Variants in NYAP2 observed in about 807,000 individuals in gnomAD.
NYAP2 encodes the protein neuronal tyrosine-phosphorylated phosphoinositide-3-kinase adapter 2.
Under a neutral mutation model 50.4 loss-of-function variants are expected in NYAP2, and 23 were observed. The observed-to-expected ratio is 0.46, with a 90% CI of 0.33 to 0.65. NYAP2 has a LOEUF of 0.65. NYAP2 is among the 30% of genes least tolerant of loss of function. The pLI is 0.02. For missense variants in NYAP2, 885 were observed against 861.0 expected (o/e 1.03, Z -0.35); for synonymous variants, 394 against 365.2 (o/e 1.08, Z -0.90).
chr2:225,455,489 C>T (rs1246884580), intron 3 of NYAP2, among the ~76,000 whole-genome samples: 2 of 152,126 alleles, frequency 1.3e-5, no homozygotes, highest in African/African-American at 4.8e-5. Flanking sequence ...TGAAGTTTTC[C>T]TCATAATTAA....
At chr2:225,491,014 T>C (rs564605492) in intron 3 of NYAP2, among the ~76,000 whole-genome samples, 2 of 152,326 alleles carry the variant, frequency 1.3e-5, no homozygotes, top group South Asian at 4.1e-4. Context: ...CTGCCCTAGA[T>C]GATGGAGACA....
chr2:225,493,602 G>C (rs1244201919), intron 3 of NYAP2, among the ~76,000 whole-genome samples: 1 of 152,120 alleles, frequency 6.6e-6, no homozygotes, highest in African/African-American at 2.4e-5. Context: ...GTCACCGGTG[G>C]CTCTCACCTG....
At chr2:225,416,672 T>G (rs1440356968) in intron 3 of NYAP2, among the ~76,000 whole-genome samples, 2 of 152,204 alleles carry the variant, frequency 1.3e-5, no homozygotes, top group Non-Finnish European at 2.9e-5. Flanking sequence ...CCTCCTTCAG[T>G]CTTCTCACGT....
chr2:225,695,581 A>T, the NYAP2 span, among the ~76,000 whole-genome samples: 1 of 151,792 alleles, frequency 6.6e-6, no homozygotes, highest in Non-Finnish European at 1.5e-5. Context: ...GACCACCAAG[A>T]TGAGTGAGAT....
chr2:225,649,838 A>T (rs1693699306), intron 6 of NYAP2, among the ~76,000 whole-genome samples: 1 of 152,228 alleles, frequency 6.6e-6, no homozygotes, highest in Admixed American at 6.5e-5. Flanking sequence ...ATTTGAGAAG[A>T]ACTAAAACTT....
chr2:225,537,144 A>G (rs748754960), intron 4 of NYAP2, among the ~76,000 whole-genome samples: 3 of 151,826 alleles, frequency 2.0e-5, no homozygotes, highest in Non-Finnish European at 4.4e-5. Context: ...ACCCCCTACT[A>G]CCATCCCAGC....
rs559878909 is a variant in NYAP2 at position 225,608,565 on chromosome 2, T to C, written c.1619-18352T>C. ...TTCTTTCTAATACAAAGCCTGCCTT[T>C]CAGAAACAGGCTGAACTTATTACGG... On this transcript the variant is annotated intron_variant, in intron 5 of 6. Transcript: ENST00000636099. Among the ~76,000 whole-genome samples, 12 of 152,280 alleles carry C rather than the reference T, an allele frequency of 7.9e-5. No homozygotes were observed. The East Asian group carries it at 2.3e-3, about 29-fold the overall frequency.
chr2:225,417,086 T>G (rs1219647539), intron 3 of NYAP2, among the ~76,000 whole-genome samples: 1 of 152,220 alleles, frequency 6.6e-6, no homozygotes, highest in Non-Finnish European at 1.5e-5. Flanking sequence ...GAGGATATCT[T>G]TAACTAAAGA....
intron 3 of NYAP2, among the ~76,000 whole-genome samples, chr2:225,475,983 G>A (rs1004408422): frequency 6.6e-6 from 1 of 152,204 alleles, no homozygotes; most frequent in Non-Finnish European, 1.5e-5. Context: ...AATAAGTGGA[G>A]TCAGAACCTA....
intron 3 of NYAP2, among the ~76,000 whole-genome samples, chr2:225,422,264 A>C (rs563597664): frequency 3.3e-5 from 5 of 152,198 alleles, no homozygotes; most frequent in South Asian, 2.1e-4. Flanking sequence ...CTTTTTAGCA[A>C]ATCATACTGA....
intron 5 of NYAP2, among the ~76,000 whole-genome samples, chr2:225,626,051 AAGAG>A (rs1293808876): frequency 6.6e-6 from 1 of 152,208 alleles, no homozygotes; most frequent in African/African-American, 2.4e-5. Flanking sequence ...CACTTAAAGA[AAGAG>A]AGAGAAAAGT....
chr2:225,448,159 G>C (rs1196563440), intron 3 of NYAP2, among the ~76,000 whole-genome samples: 1 of 152,174 alleles, frequency 6.6e-6, no homozygotes, highest in Non-Finnish European at 1.5e-5. Context: ...AAAGCACTTT[G>C]GTGGAAAAAG....
At chr2:225,516,858 A>T (rs1391210440) in intron 4 of NYAP2, among the ~76,000 whole-genome samples, 7 of 152,210 alleles carry the variant, frequency 4.6e-5, no homozygotes, top group African/African-American at 1.7e-4. Flanking sequence ...AACATAAAAA[A>T]TAACTTTTAT....
At chr2:225,510,484 A>G (rs781470683) in intron 3 of NYAP2, among the ~76,000 whole-genome samples, 49 of 152,314 alleles carry the variant, frequency 3.2e-4, no homozygotes, top group Non-Finnish European at 5.3e-4. Context: ...GGGAATCTGT[A>G]TATTTAAAAA....
chr2:225,687,044 A>C, the NYAP2 span, among the ~76,000 whole-genome samples: 1 of 152,148 alleles, frequency 6.6e-6, no homozygotes, highest in African/African-American at 2.4e-5. Flanking sequence ...GAACTACTTT[A>C]CTCATAATTA....
chr2:225,485,271 C>A (rs1234089194), intron 3 of NYAP2, among the ~76,000 whole-genome samples: 1 of 152,158 alleles, frequency 6.6e-6, no homozygotes, highest in African/African-American at 2.4e-5. Context: ...CACCTTCTGC[C>A]ATGATTGTGA....
intron 5 of NYAP2, among the ~76,000 whole-genome samples, 156 bp from the exon 6 acceptor site, chr2:225,626,761 G>GTC (rs1352448905): frequency 6.6e-6 from 1 of 152,170 alleles, no homozygotes; most frequent in African/African-American, 2.4e-5. Context: ...GCCCCCTGGA[G>GTC]TCTATGTTTC....
intron 4 of NYAP2, among the ~76,000 whole-genome samples, chr2:225,517,694 C>T (rs1278555595): frequency 1.3e-5 from 2 of 152,108 alleles, no homozygotes; most frequent in African/African-American, 4.8e-5. Flanking sequence ...TGAATCACCA[C>T]TTCTAATAGG....
intron 5 of NYAP2, among the ~76,000 whole-genome samples, chr2:225,607,541 C>A (rs1010634965): frequency 6.6e-6 from 1 of 152,102 alleles, no homozygotes; most frequent in African/African-American, 2.4e-5. Flanking sequence ...AACTTTGGCA[C>A]ATGATTTTGG....
Sources: allele counts gnomAD v4.1 joint callset (sites outside exome capture counted in the v4.1 genomes callset), GRCh38; gene constraint gnomAD v4.1.1; transcripts MANE v1.5; gene names NCBI Gene and HGNC (gene_info 2026-07-23, HGNC 2026-07-21).